The following CHL1 variants were observed in gnomAD, a reference collection of about 807,000 sequenced individuals.
CHL1 encodes the protein cell adhesion molecule L1 like.
Under a neutral mutation model 141.9 loss-of-function variants are expected in CHL1, and 96 were observed. That is an observed-to-expected ratio of 0.68 (90% CI 0.57 to 0.80). The LOEUF is 0.80. CHL1 is among the 30% of genes least tolerant of loss of function. CHL1 has a pLI of 0.00. For synonymous variants in CHL1, 613 were observed against 502.2 expected, an observed-to-expected ratio of 1.22 and a Z score of -2.95; for missense variants, 1,820 against 1,457.2, an observed-to-expected ratio of 1.25 and a Z score of -4.05.
intron 2 of CHL1, among the ~76,000 whole-genome samples, chr3:311,549 G>A (rs1276534276): frequency 6.6e-6 from 1 of 152,034 alleles, no homozygotes; most frequent in Non-Finnish European, 1.5e-5. Context: ...GACAACCCCA[G>A]CTGCTCCCAC....
At chr3:338,726 G>A (rs572602638) in intron 5 of CHL1, among the ~76,000 whole-genome samples, 15 of 152,248 alleles carry the variant, frequency 9.9e-5, no homozygotes, top group South Asian at 2.1e-4. Context: ...TTTATGGCAC[G>A]CGATAGCAGT....
At chr3:399,896 G>C (rs1050270093) in intron 26 of CHL1, among the ~76,000 whole-genome samples, 1 of 152,082 alleles carries the variant, frequency 6.6e-6, no homozygotes, top group African/African-American at 2.4e-5. Flanking sequence ...ATCATTACTA[G>C]GAATGCATTT....
intron 9 of CHL1, among the ~76,000 whole-genome samples, chr3:348,126 G>A (rs1333975578): frequency 6.6e-6 from 1 of 152,150 alleles, no homozygotes; most frequent in East Asian, 1.9e-4. Context: ...TATAGAGTTA[G>A]GAAGGACATA....
At chr3:334,937 AT>A (rs1701750812) in intron 5 of CHL1, among the ~76,000 whole-genome samples, 1 of 152,276 alleles carries the variant, frequency 6.6e-6, no homozygotes, top group Non-Finnish European at 1.5e-5. Flanking sequence ...AGGCTGAAAA[AT>A]AAAAGAATGA....
chr3:250,082 T>C (rs73090668), intron 2 of CHL1, among the ~76,000 whole-genome samples: 208 of 152,108 alleles, frequency 1.4e-3, no homozygotes, highest in African/African-American at 4.8e-3. Context: ...TTCTCTTGCC[T>C]TAGCCTCTTG....
At chr3:354,834 G>C (rs1416983027) in intron 11 of CHL1, 63 bp downstream of exon 11, 2 of 1,580,058 alleles carry the variant, frequency 1.3e-6, no homozygotes, top group Admixed American at 1.8e-5. Context: ...ATTAATGATG[G>C]TCAGACGTGT....
chr3:235,725 C>G (rs954314974), intron 1 of CHL1, among the ~76,000 whole-genome samples: 1 of 152,190 alleles, frequency 6.6e-6, no homozygotes, highest in African/African-American at 2.4e-5. Context: ...AAAGTCAGAA[C>G]TGGGTCCTAT....
In CHL1 at chr3:364,210, T is replaced by C. The variant is rs1262304281; in HGVS notation, c.1585+827T>C. On this transcript the variant is annotated intron_variant, in intron 14 of 27. Transcript: ENST00000256509. ...TGCTGTACATCCTTTTCTTATTTTA[T>C]AGCATTTGTCTCTTTCTGTGCCCTG... Among the ~76,000 whole-genome samples, 3 of 152,194 alleles carry C rather than the reference T, an allele frequency of 2.0e-5. No individual in the cohort carries two copies. In the East Asian group the frequency reaches 5.8e-4, roughly 29 times the overall value.
intron 9 of CHL1, 96 bp downstream of exon 9, chr3:344,805 A>C: frequency 7.9e-7 from 1 of 1,267,192 alleles, no homozygotes; most frequent in Non-Finnish European, 1.1e-6. Context: ...AAGATATTTT[A>C]AAATTATTTC....
At chr3:303,553 G>C (rs1308101473) in intron 2 of CHL1, among the ~76,000 whole-genome samples, 3 of 152,278 alleles carry the variant, frequency 2.0e-5, no homozygotes, top group East Asian at 3.9e-4. Context: ...TGGTGGATAG[G>C]AATGCTTGTG....
intron 1 of CHL1, among the ~76,000 whole-genome samples, chr3:241,045 G>A (rs1692512986): frequency 6.6e-6 from 1 of 152,132 alleles, no homozygotes; most frequent in Admixed American, 6.5e-5. Flanking sequence ...GTGCCAGGCA[G>A]TGACATTGGT....
intron 15 of CHL1, among the ~76,000 whole-genome samples, chr3:372,821 C>G (rs78500765): frequency 6.7e-6 from 1 of 150,174 alleles, no homozygotes; most frequent in Non-Finnish European, 1.5e-5. Flanking sequence ...GCTTTCTTTT[C>G]TTTCTTTTTT....
intron 2 of CHL1, among the ~76,000 whole-genome samples, chr3:304,936 G>A (rs529443701): frequency 6.6e-6 from 1 of 152,122 alleles, no homozygotes; most frequent in South Asian, 2.1e-4. Flanking sequence ...CTCCTTAAAT[G>A]ACTTGGTGGG....
chr3:322,645 A>ATATATAT (rs1700666823), intron 3 of CHL1, among the ~76,000 whole-genome samples: 2 of 130,210 alleles, frequency 1.5e-5, no homozygotes, highest in South Asian at 4.7e-4. Flanking sequence ...ATATATATAA[A>ATATATAT]ATATATATAT....
chr3:351,870 A>C (rs1703296918), intron 10 of CHL1, among the ~76,000 whole-genome samples: 1 of 152,178 alleles, frequency 6.6e-6, no homozygotes, highest in Admixed American at 6.6e-5. Context: ...GTACAACTGT[A>C]TATTCTAAAT....
chr3:296,453 T>C (rs1396924484), intron 2 of CHL1, among the ~76,000 whole-genome samples: 1 of 152,040 alleles, frequency 6.6e-6, no homozygotes, highest in Non-Finnish European at 1.5e-5. Context: ...CTTCCCTTTG[T>C]AATCACTTCT....
intron 2 of CHL1, among the ~76,000 whole-genome samples, chr3:312,555 A>C (rs1330173373): frequency 6.6e-6 from 1 of 152,228 alleles, no homozygotes; most frequent in Non-Finnish European, 1.5e-5. Flanking sequence ...TTCAGATCAC[A>C]CTTCAGGCTT....
Position 383,796 on chromosome 3 carries a change from T to C in CHL1, c.2177-20T>C, listed in dbSNP as rs1046022807. The C allele has an allele frequency of 6.3e-7, 1 of 1,586,604 alleles. No individual in the cohort carries two copies. The highest frequency in any genetic ancestry group is 8.6e-7 in the Non-Finnish European group (1 of 1,157,770). Reference sequence around the variant, plus strand: ...TATGGGTTAAAAGGAAAAATAATGTTAATGTTTTTAATTTTTCAGCTCCAG... The same window carrying C: ...TATGGGTTAAAAGGAAAAATAATGTCAATGTTTTTAATTTTTCAGCTCCAG... On this transcript the variant is annotated intron_variant, in intron 18 of 27. Coordinates refer to ENST00000256509, the MANE Select transcript of CHL1 (RefSeq NM_006614.4).
intron 1 of CHL1, among the ~76,000 whole-genome samples, chr3:242,402 C>T (rs940941170): frequency 1.6e-4 from 23 of 140,928 alleles, no homozygotes; most frequent in East Asian, 6.5e-4. Context: ...CGAGACCATC[C>T]TGGCTAACAC....
Sources: gnomAD v4.1 joint callset for allele counts (sites outside exome capture counted in the v4.1 genomes callset) on GRCh38, gnomAD v4.1.1 for gene constraint, MANE v1.5 for transcripts, NCBI Gene and HGNC (gene_info 2026-07-23, HGNC 2026-07-21) for gene names.